Variants in TLN2 observed in about 807,000 individuals in gnomAD.
The protein encoded by TLN2 is talin-2.
In TLN2, 118 loss-of-function variants were observed where a neutral mutation model predicts 294.7. That is an observed-to-expected ratio of 0.40 (90% CI 0.34 to 0.47). The LOEUF (loss-of-function observed/expected upper bound fraction) is 0.47, where lower values mean the gene tolerates loss of function less well. Among genes scored for constraint, TLN2 ranks in the 20% least tolerant of loss-of-function variants. The pLI, the probability that TLN2 is intolerant of heterozygous loss-of-function variation, is 0.84. For synonymous variants in TLN2, 1,431 were observed against 1,304.5 expected (o/e 1.10, Z -2.09); for missense variants, 3,083 against 3,282.2 (o/e 0.94, Z 1.48).
At chr15:62,419,389 C>G (rs1056908726) in intron 1 of TLN2, among the ~76,000 whole-genome samples, 5 of 152,140 alleles carry the variant, frequency 3.3e-5, no homozygotes, top group African/African-American at 9.7e-5. Context: ...GCTTAAAGGC[C>G]ACAAGACAGC....
At chr15:62,661,147 G>C (rs551226750) in intron 9 of TLN2, among the ~76,000 whole-genome samples, 5 of 152,172 alleles carry the variant, frequency 3.3e-5, no homozygotes, top group African/African-American at 1.2e-4. Flanking sequence ...ACTTTAAGAA[G>C]TGGTCAGAGT....
At chr15:62,704,906 G>C (rs2058959544) in intron 19 of TLN2, among the ~76,000 whole-genome samples, 1 of 152,158 alleles carries the variant, frequency 6.6e-6, no homozygotes, top group African/African-American at 2.4e-5. Flanking sequence ...TTCAGCTGCT[G>C]TTTTACTGGG....
chr15:62,544,973 A>C (rs938653803), intron 1 of TLN2, among the ~76,000 whole-genome samples: 1 of 151,622 alleles, frequency 6.6e-6, no homozygotes, highest in African/African-American at 2.4e-5. Flanking sequence ...TCTGTCGCCC[A>C]AGCTGGAGTG....
rs533032680 is a variant in TLN2, at chr15:62,540,456, T to C, written c.-237-49231T>C. Among the ~76,000 whole-genome samples, 10 of 151,214 alleles carry C rather than the reference T, an allele frequency of 6.6e-5. 1 individual carries two copies. The highest frequency in any genetic ancestry group is 2.4e-4 in the African/African-American group (10 of 41,156). On this transcript the variant is annotated intron_variant, in intron 1 of 58. Coordinates refer to ENST00000636159, the MANE Select transcript of TLN2 (RefSeq NM_015059.3). ...AGAACCAATTACATAAAATGAGGTA[T>C]GCAGGTAGAGAGAGGTGCAGGGCGT... is the stretch of plus-strand genomic sequence containing the variant.
chr15:62,774,388 C>T (rs2063554572), intron 42 of TLN2, among the ~76,000 whole-genome samples: 2 of 151,918 alleles, frequency 1.3e-5, no homozygotes, highest in Admixed American at 1.3e-4. Flanking sequence ...CATTGTTGGG[C>T]CCACCGATGC....
At chr15:62,455,179 A>T (rs2036396396) in intron 1 of TLN2, among the ~76,000 whole-genome samples, 1 of 132,736 alleles carries the variant, frequency 7.5e-6, no homozygotes, top group African/African-American at 2.8e-5. Context: ...GTGCCTCCTG[A>T]GAGTGATACA....
intron 3 of TLN2, among the ~76,000 whole-genome samples, chr15:62,624,991 T>C (rs1270849000): frequency 6.6e-6 from 1 of 152,234 alleles, no homozygotes; most frequent in Non-Finnish European, 1.5e-5. Context: ...TTTCTCTTTT[T>C]TAATTTTTAT....
intron 1 of TLN2, among the ~76,000 whole-genome samples, chr15:62,538,150 G>A (rs1047083578): frequency 3.3e-5 from 5 of 152,130 alleles, no homozygotes; most frequent in Non-Finnish European, 1.5e-5. Flanking sequence ...GAACCCAGGA[G>A]GCAGAGGTTG....
intron 1 of TLN2, among the ~76,000 whole-genome samples, chr15:62,429,909 C>T (rs552856230): frequency 1.3e-5 from 2 of 152,276 alleles, no homozygotes; most frequent in East Asian, 3.9e-4. Flanking sequence ...CTGTACGTGA[C>T]TTATCCAAGA....
At chr15:62,725,892 AG>A (rs1164981612) in intron 27 of TLN2, among the ~76,000 whole-genome samples, 1 of 152,184 alleles carries the variant, frequency 6.6e-6, no homozygotes, top group African/African-American at 2.4e-5. Flanking sequence ...GAAGACTTTT[AG>A]AATGTAAAGG....
intron 1 of TLN2, among the ~76,000 whole-genome samples, chr15:62,535,490 A>C (rs574480900): frequency 5.5e-4 from 81 of 147,876 alleles, no homozygotes; most frequent in African/African-American, 1.4e-3. Flanking sequence ...ACACACACAC[A>C]CCCCTCTCTC....
At chr15:62,829,760 C>A (rs1191427411) in intron 54 of TLN2, 1 of 152,030 alleles carries the variant, frequency 6.6e-6, no homozygotes, top group East Asian at 1.9e-4. Context: ...TTTTTTGTAC[C>A]CATGAACCAT....
intron 1 of TLN2, among the ~76,000 whole-genome samples, chr15:62,490,216 A>G (rs1395778270): frequency 6.6e-6 from 1 of 152,224 alleles, no homozygotes; most frequent in East Asian, 1.9e-4. Context: ...CGATAGATAT[A>G]TTAACCACTT....
intron 3 of TLN2, among the ~76,000 whole-genome samples, chr15:62,639,230 G>GATCTATATCTAT (rs58437592): frequency 3.1e-3 from 261 of 83,532 alleles, no homozygotes; most frequent in African/African-American, 0.013. Context: ...CTAGGTTATA[G>GATCTATATCTAT]ATCTATATCT....
intron 1 of TLN2, among the ~76,000 whole-genome samples, chr15:62,391,478 G>A (rs2032080553): frequency 6.6e-6 from 1 of 152,244 alleles, no homozygotes; most frequent in Admixed American, 6.5e-5. Context: ...ACCTGGAGAC[G>A]AGTATTTCGG....
At chr15:62,655,921 TTA>T (rs2053158637) in intron 7 of TLN2, 21 bp from the exon 8 acceptor site, 3 of 1,613,698 alleles carry the variant, frequency 1.9e-6, no homozygotes, top group Non-Finnish European at 2.5e-6. Context: ...CACAGTTCTC[TTA>T]TATGTCTTGT....
At position 62,702,099 on chromosome 15, in the gene TLN2, G is replaced by A. The variant is rs1172081815; in HGVS notation, c.1804G>A (p.Asp602Asn). 1 of 1,614,222 alleles carries A rather than the reference G, an allele frequency of 6.2e-7. No individual in the cohort carries two copies. Residue 602 changes from aspartate to asparagine, a missense_variant, in exon 18 of 59, where the codon GAT (aspartate) becomes AAT (asparagine). Coordinates refer to ENST00000636159, the MANE Select transcript of TLN2 (RefSeq NM_015059.3). Reference protein sequence around the residue: ...KGVKLLAALMDDEVGSGEDLL... With the variant: ...KGVKLLAALMNDEVGSGEDLL... ...TGTGAAGCTATTGGCCGCCCTCATG[G>A]ATGATGAGGTGGGCAGCGGGGAGGA...
intron 3 of TLN2, among the ~76,000 whole-genome samples, chr15:62,623,387 A>G (rs1370214947): frequency 1.3e-5 from 2 of 152,222 alleles, no homozygotes; most frequent in Non-Finnish European, 2.9e-5. Context: ...GAAAGGTAGT[A>G]TCTTTTACAT....
At chr15:62,618,666 T>C (rs777421428) in intron 3 of TLN2, among the ~76,000 whole-genome samples, 191 bp downstream of exon 3, 14 of 152,208 alleles carry the variant, frequency 9.2e-5, no homozygotes, top group Non-Finnish European at 1.5e-4. Context: ...CCTTTGATGA[T>C]TTCCTTCTTA....
Sources: allele counts gnomAD v4.1 joint callset (sites outside exome capture counted in the v4.1 genomes callset), GRCh38; gene constraint gnomAD v4.1.1; transcripts MANE v1.5; gene names NCBI Gene and HGNC (gene_info 2026-07-23, HGNC 2026-07-21).